TMEM67: variants seen among roughly 807,000 people sequenced by gnomAD.
The protein encoded by TMEM67 is meckelin.
In TMEM67, 124 loss-of-function variants were observed where a neutral mutation model predicts 136.6. The ratio of observed to expected loss-of-function variants is 0.91; its 90% CI spans 0.78 to 1.05. The LOEUF is 1.05. Among genes scored for constraint, TMEM67 ranks in the 50% least tolerant of loss-of-function variants. The probability of loss-of-function intolerance (pLI) is 0.00; values close to 1 mark genes in which losing one functional copy is unlikely to be tolerated. For missense variants in TMEM67, 1,107 were observed against 1,178.4 expected, an observed-to-expected ratio of 0.94 and a Z score of 0.89; for synonymous variants, 364 against 390.5, an observed-to-expected ratio of 0.93 and a Z score of 0.80.
At chr8:93,793,443 G>T in intron 16 of TMEM67, 147 bp downstream of exon 16, 1 of 694,348 alleles carries the variant, frequency 1.4e-6, no homozygotes, top group South Asian at 1.7e-5. Context: ...GGGTCATATG[G>T]TATATGTGTA....
intron 9 of TMEM67, 61 bp from the exon 10 acceptor site, chr8:93,781,597 T>C (rs1214879556): frequency 1.4e-6 from 1 of 711,204 alleles, no homozygotes. Flanking sequence ...AAAATTTCTT[T>C]ATAGGATATT....
In TMEM67 at chr8:93,765,395, A is replaced by G. The variant is rs1813035747; in HGVS notation, c.507-11A>G. On this transcript the variant is annotated splice_polypyrimidine_tract_variant and intron_variant, in intron 4 of 27. Coordinates refer to ENST00000453321, the MANE Select transcript of TMEM67 (RefSeq NM_153704.6). ...TAACATTTTTAAAATTATTTTTGTTATATTGAACAGGTGCGTCCGATGTGA... is the reference window on the plus strand; with the variant it reads ...TAACATTTTTAAAATTATTTTTGTTGTATTGAACAGGTGCGTCCGATGTGA... 3.7e-6 allele frequency: 6 copies of G among 1,605,210 alleles called. No homozygotes were observed. Among genetic ancestry groups the G allele is most frequent in the Admixed American group, 3.3e-5 (2 of 59,980 alleles).
intron 6 of TMEM67, among the ~76,000 whole-genome samples, chr8:93,770,287 A>G (rs550458407): frequency 1.1e-4 from 16 of 152,194 alleles, no homozygotes; most frequent in Non-Finnish European, 2.2e-4. Flanking sequence ...AATAAGTTGT[A>G]GACATAATGA....
At chr8:93,785,936 G>C in intron 12 of TMEM67, 1 of 384,062 alleles carries the variant, frequency 2.6e-6, no homozygotes, top group Non-Finnish European at 4.8e-6. Context: ...TTGGTGTGAT[G>C]GTGCACCCTT....
At chr8:93,783,452 G>A (rs925606854) in intron 11 of TMEM67, among the ~76,000 whole-genome samples, 15 of 151,796 alleles carry the variant, frequency 9.9e-5, no homozygotes, top group African/African-American at 2.9e-4. Flanking sequence ...TCTTCTACCC[G>A]CTCATAACAA....
chr8:93,791,259 T>C lies in TMEM67; in HGVS notation c.1519-4T>C, dbSNP rs1278225198. On this transcript the variant is annotated splice_region_variant and splice_polypyrimidine_tract_variant and intron_variant, in intron 14 of 27. Transcript: ENST00000453321. ...TAGCTAATTTGTTTTGTTTTAAATATCAGGTTTCTTTCTCAGTCACATATG... is the reference window on the plus strand; with the variant it reads ...TAGCTAATTTGTTTTGTTTTAAATACCAGGTTTCTTTCTCAGTCACATATG... The C allele has an allele frequency of 6.3e-7, 1 of 1,590,528 alleles. No individual in the cohort carries two copies. The highest frequency in any genetic ancestry group is 8.6e-7 in the Non-Finnish European group (1 of 1,159,680).
intron 14 of TMEM67, among the ~76,000 whole-genome samples, chr8:93,788,652 T>C (rs1814232865): frequency 6.6e-6 from 1 of 152,206 alleles, no homozygotes; most frequent in Non-Finnish European, 1.5e-5. Flanking sequence ...CTCACCAATC[T>C]ATGACCCACT....
At chr8:93,831,867 C>T in the TMEM67 span, among the ~76,000 whole-genome samples, 2,060 of 152,274 alleles carry the variant, frequency 0.014, 54 homozygotes, top group African/African-American at 0.047. Context: ...CTTCACCTTT[C>T]CTTCATTTTC....
chr8:93,825,231 G>A, the TMEM67 span, among the ~76,000 whole-genome samples: 655 of 152,328 alleles, frequency 4.3e-3, 2 homozygotes, highest in Middle Eastern at 0.014. Context: ...TGCTTCTGTG[G>A]TATGTCTGAG....
chr8:93,808,715 G>T, intron 23 of TMEM67, 125 bp from the exon 24 acceptor site: 1 of 672,244 alleles, frequency 1.5e-6, no homozygotes. Context: ...CAGTTTCAGT[G>T]AATTTCACTT....
At chr8:93,757,478 A>G (rs138382836) in intron 2 of TMEM67, among the ~76,000 whole-genome samples, 2,463 of 152,118 alleles carry the variant, frequency 0.016, 68 homozygotes, top group African/African-American at 0.054. Context: ...TCTACTAAAA[A>G]TACAAAAATT....
intron 6 of TMEM67, among the ~76,000 whole-genome samples, chr8:93,768,338 G>C (rs986105227): frequency 1.3e-5 from 2 of 152,032 alleles, no homozygotes; most frequent in African/African-American, 4.8e-5. Context: ...AGGGCTGGGC[G>C]TGGTGGCTCA....
chr8:93,772,864 T>C (rs971831138), intron 7 of TMEM67, among the ~76,000 whole-genome samples: 2 of 152,220 alleles, frequency 1.3e-5, no homozygotes, highest in Non-Finnish European at 2.9e-5. Context: ...CTTTTTTAGC[T>C]GAAACGGAGT....
intron 7 of TMEM67, among the ~76,000 whole-genome samples, chr8:93,773,240 T>C (rs1489388172): frequency 2.0e-5 from 3 of 152,116 alleles, no homozygotes; most frequent in African/African-American, 7.2e-5. Flanking sequence ...GGCTTATTCA[T>C]GCTTAAGAGA....
chr8:93,774,079 A>G (rs540964154), intron 7 of TMEM67, among the ~76,000 whole-genome samples: 1 of 152,156 alleles, frequency 6.6e-6, no homozygotes, highest in African/African-American at 2.4e-5. Flanking sequence ...GGAGTGCACA[A>G]TCTCGACTCA....
chr8:93,795,828 G>T, intron 17 of TMEM67, 73 bp from the exon 18 acceptor site: 1 of 1,276,594 alleles, frequency 7.8e-7, no homozygotes, highest in Non-Finnish European at 1.1e-6. Flanking sequence ...AAACAAAAAC[G>T]AAAACAAAAA....
intron 2 of TMEM67, chr8:93,756,651 AC>A (rs1812584914): frequency 6.6e-6 from 1 of 152,186 alleles, no homozygotes; most frequent in African/African-American, 2.4e-5. Flanking sequence ...ATAATAGATT[AC>A]CATTTATTTT....
chr8:93,781,209 AG>A (rs905558706), intron 9 of TMEM67, among the ~76,000 whole-genome samples: 1 of 152,190 alleles, frequency 6.6e-6, no homozygotes, highest in Non-Finnish European at 1.5e-5. Flanking sequence ...TTGTACTTGT[AG>A]GGTTGGGAAG....
intron 21 of TMEM67, 65 bp from the exon 22 acceptor site, chr8:93,803,539 T>TG: frequency 9.4e-7 from 1 of 1,061,680 alleles, no homozygotes; most frequent in Admixed American, 1.7e-5. Flanking sequence ...GATGCTACAC[T>TG]GTGGCTGTAA....
Sources: allele counts gnomAD v4.1 joint callset (sites outside exome capture counted in the v4.1 genomes callset), GRCh38; gene constraint gnomAD v4.1.1; transcripts MANE v1.5; gene names NCBI Gene and HGNC (gene_info 2026-07-23, HGNC 2026-07-21).